DUSP16: variants seen among roughly 807,000 people sequenced by gnomAD.
DUSP16 encodes the protein dual specificity phosphatase 16.
Under a neutral mutation model 58.3 loss-of-function variants are expected in DUSP16, and 21 were observed. The observed-to-expected ratio is 0.36, with a 90% CI of 0.26 to 0.52. DUSP16 has a LOEUF of 0.52. Ranked by LOEUF, DUSP16 falls within the 20% of genes least tolerant of loss-of-function variation. The probability of loss-of-function intolerance (pLI) is 0.94; values close to 1 mark genes in which losing one functional copy is unlikely to be tolerated. For synonymous variants in DUSP16, 320 were observed against 323.8 expected, an observed-to-expected ratio of 0.99 and a Z score of 0.12; for missense variants, 726 against 819.0, an observed-to-expected ratio of 0.89 and a Z score of 1.39.
intron 5 of DUSP16, among the ~76,000 whole-genome samples, chr12:12,486,058 G>A (rs1238650633): frequency 6.7e-6 from 1 of 149,294 alleles, no homozygotes; most frequent in Non-Finnish European, 1.5e-5. Context: ...CTCCCAAAGT[G>A]CTGGGATTAC....
intron 1 of DUSP16, among the ~76,000 whole-genome samples, chr12:12,554,196 CAAAAA>C (rs59499569): frequency 3.0e-5 from 2 of 66,146 alleles, no homozygotes; most frequent in Admixed American, 1.9e-4. Context: ...AACTGGGTCT[CAAAAA>C]AAAAAAAAAA....
intron 6 of DUSP16, among the ~76,000 whole-genome samples, chr12:12,479,738 G>A (rs549339757): frequency 3.3e-5 from 5 of 152,214 alleles, no homozygotes; most frequent in South Asian, 2.1e-4. Context: ...CAATCTGGCC[G>A]ACTCTAGAAT....
chr12:12,517,458 T>C (rs1944170677), intron 3 of DUSP16, among the ~76,000 whole-genome samples: 1 of 152,206 alleles, frequency 6.6e-6, no homozygotes, highest in South Asian at 2.1e-4. Context: ...AATATGTCCT[T>C]CTGTCCCACA....
chr12:12,508,274 C>T (rs1944026829), intron 3 of DUSP16, among the ~76,000 whole-genome samples: 1 of 151,984 alleles, frequency 6.6e-6, no homozygotes, highest in South Asian at 2.1e-4. Context: ...GGTCACAATT[C>T]TTTCGGGATC....
At chr12:12,498,108 T>C (rs1205774237) in intron 4 of DUSP16, among the ~76,000 whole-genome samples, 1 of 152,178 alleles carries the variant, frequency 6.6e-6, no homozygotes, top group Non-Finnish European at 1.5e-5. Flanking sequence ...TTTTCATTTT[T>C]GGAGATCTTT....
At chr12:12,530,422 A>G (rs112635285) in intron 1 of DUSP16, among the ~76,000 whole-genome samples, 2 of 152,170 alleles carry the variant, frequency 1.3e-5, no homozygotes, top group Admixed American at 6.5e-5. Context: ...TATCAGATGT[A>G]TAGTTTACAA....
intron 1 of DUSP16, among the ~76,000 whole-genome samples, chr12:12,542,723 T>A (rs1944583329): frequency 6.6e-6 from 1 of 152,184 alleles, no homozygotes; most frequent in Admixed American, 6.5e-5. Flanking sequence ...GGCCAAGGCA[T>A]GACTCCAGAT....
At position 12,477,594 on chromosome 12, in the gene DUSP16, T is replaced by C; in HGVS notation, c.1237A>G (p.Met413Val). The C allele has an allele frequency of 6.2e-7, 1 of 1,614,222 alleles. No homozygotes were observed. Among genetic ancestry groups the C allele is most frequent in the Admixed American group, 1.7e-5 (1 of 60,026 alleles). Residue 413 changes from methionine to valine, a missense_variant, in exon 7 of 7, where the codon ATG becomes GTG. Met to Val is a conservative substitution (Grantham distance 21). Transcript: ENST00000298573. The surrounding 1 kb of genome is among the most constrained non-coding windows in gnomAD (Gnocchi z 4.1). The stretch of plus-strand genomic sequence containing the variant: ...GAGAAGCCATGTAAGGATGCTGCCA[T>C]GCTGGCTGAATATGAAACTGATTTG... ...DIKSVSYSAS[M>V]AASLHGFSSS...
intron 1 of DUSP16, among the ~76,000 whole-genome samples, chr12:12,550,272 CAA>C (rs35519025): frequency 5.3e-4 from 52 of 97,384 alleles, no homozygotes; most frequent in Middle Eastern, 6.0e-3. Flanking sequence ...GACTCCGTCT[CAA>C]AAAAAAAAAA....
intron 1 of DUSP16, among the ~76,000 whole-genome samples, chr12:12,551,707 T>C (rs201544938): frequency 7.6e-6 from 1 of 131,098 alleles, no homozygotes; most frequent in Non-Finnish European, 1.7e-5. Context: ...TTTTTTTTTT[T>C]TCCGAGATGG....
At chr12:12,550,309 A>T (rs993260056) in intron 1 of DUSP16, among the ~76,000 whole-genome samples, 24 of 152,128 alleles carry the variant, frequency 1.6e-4, no homozygotes, top group Admixed American at 1.1e-3. Context: ...GACTGCTCTA[A>T]AAAGATGTCA....
At chr12:12,559,276 GT>G (rs1387664247) in intron 1 of DUSP16, among the ~76,000 whole-genome samples, 6 of 152,246 alleles carry the variant, frequency 3.9e-5, no homozygotes, top group Non-Finnish European at 7.4e-5. Context: ...GAATATCTCC[GT>G]TTTAAATGAT....
rs951154388 is a variant in DUSP16 at position 12,521,299 on chromosome 12, C to T, written c.-201G>A. Reference sequence around the variant, plus strand: ...TCTCTTTCTCTTTCCCGTTGATGTGCTCTTGCAAAGGACTCCGTCCACAAA... The same window carrying T: ...TCTCTTTCTCTTTCCCGTTGATGTGTTCTTGCAAAGGACTCCGTCCACAAA... On this transcript the variant is annotated 5_prime_UTR_variant, in exon 2 of 7. Coordinates refer to ENST00000298573, the MANE Select transcript of DUSP16 (RefSeq NM_030640.3). 11 of 1,426,818 alleles carry T rather than the reference C, an allele frequency of 7.7e-6. No homozygotes were observed. The African/African-American group carries it at 1.6e-4, about 21-fold the overall frequency. The allele number at this position is 1,426,818 out of a possible 1,614,324, so 88.4% of individuals were successfully genotyped here. A position where few individuals can be genotyped will look rare whatever the true frequency, so the allele number is the denominator to read the frequency against.
intron 3 of DUSP16, among the ~76,000 whole-genome samples, chr12:12,504,620 C>CAA (rs982658625): frequency 2.1e-5 from 3 of 144,076 alleles, no homozygotes; most frequent in African/African-American, 7.8e-5. Context: ...GGCTCTAAAA[C>CAA]AGTTCCTGGA....
intron 4 of DUSP16, among the ~76,000 whole-genome samples, chr12:12,492,444 G>C (rs115794311): frequency 6.6e-6 from 1 of 151,980 alleles, no homozygotes; most frequent in Non-Finnish European, 1.5e-5. Context: ...GTCCATACTC[G>C]TAAGGCCAAT....
At chr12:12,530,423 T>C (rs1019783869) in intron 1 of DUSP16, among the ~76,000 whole-genome samples, 1 of 152,252 alleles carries the variant, frequency 6.6e-6, no homozygotes, top group South Asian at 2.1e-4. Context: ...ATCAGATGTA[T>C]AGTTTACAAA....
At chr12:12,492,034 TC>T (rs1174836434) in intron 4 of DUSP16, among the ~76,000 whole-genome samples, 1 of 152,204 alleles carries the variant, frequency 6.6e-6, no homozygotes, top group African/African-American at 2.4e-5. Context: ...TCTGCCCTCA[TC>T]AATTGTTCGT....
At chr12:12,556,484 A>G (rs1944807769) in intron 1 of DUSP16, among the ~76,000 whole-genome samples, 1 of 152,148 alleles carries the variant, frequency 6.6e-6, no homozygotes, top group African/African-American at 2.4e-5. Context: ...CTGAGGCAGG[A>G]GGACTGCTTG....
intron 4 of DUSP16, among the ~76,000 whole-genome samples, chr12:12,498,616 C>T (rs973968435): frequency 4.8e-4 from 73 of 151,962 alleles, no homozygotes; most frequent in African/African-American, 1.7e-3. Flanking sequence ...GGTTTTGCCA[C>T]GTTGTCCTGG....
Sources: allele counts gnomAD v4.1 joint callset (sites outside exome capture counted in the v4.1 genomes callset), GRCh38; gene constraint gnomAD v4.1.1; non-coding constraint Gnocchi (gnomAD v3.1); transcripts MANE v1.5; gene names NCBI Gene and HGNC (gene_info 2026-07-23, HGNC 2026-07-21).